Variants in NDUFAF7 observed in about 807,000 individuals in gnomAD.
The protein encoded by NDUFAF7 is NADH:ubiquinone oxidoreductase complex assembly factor 7.
A neutral mutation model predicts 47.2 loss-of-function variants in NDUFAF7; 48 were observed. That is an observed-to-expected ratio of 1.02 (90% CI 0.81 to 1.29). The LOEUF (loss-of-function observed/expected upper bound fraction) is 1.29, where lower values mean the gene tolerates loss of function less well. Among genes scored for constraint, NDUFAF7 ranks in the 50% most tolerant of loss-of-function variants. NDUFAF7 has a pLI of 0.00. For missense variants in NDUFAF7, 635 were observed against 537.6 expected (o/e 1.18, Z -1.79); for synonymous variants, 217 against 190.0 (o/e 1.14, Z -1.17).
Position 37,237,813 on chromosome 2 carries a change from C to A in NDUFAF7, c.354C>A (p.Phe118Leu). 6.2e-7 allele frequency: 1 copy of A among 1,613,736 alleles called. No individual in the cohort carries two copies. Among genetic ancestry groups the A allele is most frequent in the Non-Finnish European group, 8.5e-7 (1 of 1,179,824 alleles). The change falls in exon 4 of 10, where the codon TTC becomes TTA. Residue 118 changes from phenylalanine to leucine, a missense_variant. Phe to Leu is a conservative substitution (Grantham distance 22). Coordinates refer to ENST00000002125, the MANE Select transcript of NDUFAF7 (RefSeq NM_144736.5). ...EWMATGKSTA[F>L]QLVELGPGRG... ...TGGCCACTGGAAAAAGCACAGCTTT[C>A]CAGCTGGTGGAACTGGGCCCAGGTA...
At chr2:37,241,956 AAAAT>A in intron 5 of NDUFAF7, 165 bp downstream of exon 5, 1 of 624,920 alleles carries the variant, frequency 1.6e-6, no homozygotes, top group Non-Finnish European at 2.8e-6. Flanking sequence ...ATCTTAATAG[AAAAT>A]AAAGTTGCCT....
At chr2:37,259,052 GA>G in the NDUFAF7 span, among the ~76,000 whole-genome samples, 70,969 of 148,686 alleles carry the variant, frequency 0.48, 17,212 homozygotes, top group East Asian at 0.62. Context: ...TGAACACTTG[GA>G]AAAAAAAAAA....
chr2:37,267,516 T>TC, the NDUFAF7 span: 1 of 1,608,586 alleles, frequency 6.2e-7, no homozygotes, highest in South Asian at 1.1e-5. Context: ...GCCACATCCC[T>TC]CCCAGTCTTT....
At chr2:37,245,471 C>G (rs1237727288) in intron 7 of NDUFAF7, among the ~76,000 whole-genome samples, 1 of 152,164 alleles carries the variant, frequency 6.6e-6, no homozygotes, top group Non-Finnish European at 1.5e-5. Context: ...AAGTGGACAT[C>G]TTGGGGTAAT....
At chr2:37,260,268 C>T in the NDUFAF7 span, 1 of 1,611,720 alleles carries the variant, frequency 6.2e-7, no homozygotes, top group Non-Finnish European at 8.5e-7. Context: ...GCCGACTTTT[C>T]TCACTGGATA....
downstream of NDUFAF7, among the ~76,000 whole-genome samples, chr2:37,258,161 T>C (rs1668126879): frequency 6.6e-6 from 1 of 152,180 alleles, no homozygotes; most frequent in Admixed American, 6.5e-5. Context: ...AGGAAAAAGA[T>C]TTAAGCTGTA....
chr2:37,261,201 T>C, the NDUFAF7 span, among the ~76,000 whole-genome samples: 3 of 152,224 alleles, frequency 2.0e-5, no homozygotes, highest in African/African-American at 7.2e-5. Flanking sequence ...TTAATAAAGA[T>C]ACAGGCTGGG....
chr2:37,262,903 C>G, the NDUFAF7 span, among the ~76,000 whole-genome samples: 7 of 120,366 alleles, frequency 5.8e-5, no homozygotes, highest in South Asian at 1.9e-3. Context: ...CTTCCCCCCC[C>G]CGTATTTGTG....
At chr2:37,239,473 TTA>T (rs570873781) in intron 4 of NDUFAF7, among the ~76,000 whole-genome samples, 53 of 152,294 alleles carry the variant, frequency 3.5e-4, no homozygotes, top group African/African-American at 1.3e-3. Flanking sequence ...TCAAAGTTTC[TTA>T]TATTGTATGA....
downstream of NDUFAF7, among the ~76,000 whole-genome samples, chr2:37,256,507 C>CA (rs529672921): frequency 1.5e-3 from 228 of 151,078 alleles, no homozygotes; most frequent in African/African-American, 5.3e-3. Flanking sequence ...GAAGAGTGCT[C>CA]AAAAAACTGG....
chr2:37,270,857 T>C, the NDUFAF7 span, among the ~76,000 whole-genome samples: 1 of 152,192 alleles, frequency 6.6e-6, no homozygotes, highest in Admixed American at 6.5e-5. Context: ...TATGTATGTG[T>C]ATATATATTT....
At chr2:37,257,882 A>C (rs138765346), downstream of NDUFAF7, among the ~76,000 whole-genome samples, 1,932 of 152,184 alleles carry the variant, frequency 0.013, 17 homozygotes, top group Middle Eastern at 0.027. Context: ...CTGTGGAACA[A>C]ATTATTTCTA....
chr2:37,261,337 A>T, the NDUFAF7 span, among the ~76,000 whole-genome samples: 5 of 151,948 alleles, frequency 3.3e-5, no homozygotes, highest in South Asian at 4.1e-4. Flanking sequence ...AAATACAAAA[A>T]CTAACCAGGT....
the NDUFAF7 span, among the ~76,000 whole-genome samples, chr2:37,259,973 T>A: frequency 6.6e-6 from 1 of 152,152 alleles, no homozygotes; most frequent in Non-Finnish European, 1.5e-5. Context: ...GAGACCAGCC[T>A]GGCCAACACG....
At chr2:37,237,995 C>A in intron 4 of NDUFAF7, 128 bp downstream of exon 4, 1 of 741,862 alleles carries the variant, frequency 1.3e-6, no homozygotes, top group Non-Finnish European at 2.4e-6. Context: ...AATATAATGT[C>A]AGAATAATGT....
chr2:37,258,225 G>A (rs188997250), downstream of NDUFAF7, among the ~76,000 whole-genome samples: 11 of 152,300 alleles, frequency 7.2e-5, no homozygotes, highest in Non-Finnish European at 1.0e-4. Context: ...ATCAAATGCT[G>A]CTATTTCTGG....
chr2:37,235,006 T>C, intron 2 of NDUFAF7, among the ~76,000 whole-genome samples: 1 of 152,212 alleles, frequency 6.6e-6, no homozygotes, highest in East Asian at 1.9e-4. Context: ...GGCATCGTGC[T>C]AAAACTTGGG....
the NDUFAF7 span, among the ~76,000 whole-genome samples, chr2:37,262,470 A>G: frequency 1.3e-5 from 2 of 152,220 alleles, no homozygotes; most frequent in Admixed American, 1.3e-4. Context: ...TTTGCTAATC[A>G]TTTTAAACCC....
rs1020451424 is a variant in NDUFAF7 at position 37,232,037 on chromosome 2, G to T, written c.56-69G>T. On this transcript the variant is annotated intron_variant, in intron 1 of 9. Coordinates refer to ENST00000002125, the MANE Select transcript of NDUFAF7 (RefSeq NM_144736.5). ...GGGTTCACGAAGCTGTTTTGAAAAC[G>T]CTCAGGCGGCTTGCGCTCGTGAATG... The T allele has an allele frequency of 2.5e-6, 4 of 1,612,478 alleles. No individual in the cohort carries two copies. In the African/African-American group the frequency reaches 4.0e-5, roughly 16 times the overall value.
Sources: gnomAD v4.1 joint callset for allele counts (sites outside exome capture counted in the v4.1 genomes callset) on GRCh38, gnomAD v4.1.1 for gene constraint, MANE v1.5 for transcripts, NCBI Gene and HGNC (gene_info 2026-07-23, HGNC 2026-07-21) for gene names.